The following GRM5 variants were observed in gnomAD, a reference collection of about 807,000 sequenced individuals.
The protein encoded by GRM5 is metabotropic glutamate receptor 5.
GRM5 carries 19 observed loss-of-function variants against 83.1 expected under a neutral mutation model. That is an observed-to-expected ratio of 0.23 (90% confidence interval 0.16 to 0.34). GRM5 has a LOEUF of 0.34. Among genes scored for constraint, GRM5 ranks in the 10% least tolerant of loss-of-function variants. The pLI is 1.00. For synonymous variants in GRM5, 675 were observed against 633.6 expected, an observed-to-expected ratio of 1.07 and a Z score of -0.98; for missense variants, 1,160 against 1,588.3, an observed-to-expected ratio of 0.73 and a Z score of 4.58.
chr11:88,770,254 G>C (rs1116378), intron 3 of GRM5, among the ~76,000 whole-genome samples: 109,730 of 151,808 alleles, frequency 0.72, 40,092 homozygotes, highest in African/African-American at 0.75. Flanking sequence ...ATGGTATACT[G>C]GATGCGACCC....
At chr11:88,589,155 T>C (rs747038481) in intron 7 of GRM5, among the ~76,000 whole-genome samples, 21 of 150,028 alleles carry the variant, frequency 1.4e-4, no homozygotes, top group Non-Finnish European at 2.9e-4. Context: ...ATAAATAGTA[T>C]AAAGAAAAGA....
intron 1 of GRM5, among the ~76,000 whole-genome samples, chr11:89,048,455 C>A (rs2135152740): frequency 6.6e-6 from 1 of 152,280 alleles, no homozygotes; most frequent in African/African-American, 2.4e-5. Context: ...TTGGTGATCT[C>A]TTGGTAATGA....
intron 3 of GRM5, among the ~76,000 whole-genome samples, chr11:88,754,017 C>T (rs769691137): frequency 2.0e-4 from 30 of 152,022 alleles, no homozygotes; most frequent in Non-Finnish European, 4.0e-4. Flanking sequence ...TCCCACAACA[C>T]GTGGGAATTA....
chr11:88,629,079 C>T (rs1486317564), intron 4 of GRM5, among the ~76,000 whole-genome samples: 1 of 152,146 alleles, frequency 6.6e-6, no homozygotes. Flanking sequence ...AATGGATTTG[C>T]TGAACATCTA....
At chr11:88,558,528 G>A (rs1402868356) in intron 8 of GRM5, among the ~76,000 whole-genome samples, 2 of 152,066 alleles carry the variant, frequency 1.3e-5, no homozygotes, top group Admixed American at 6.6e-5. Flanking sequence ...GTTCTAAGGG[G>A]AGAGAGTGGG....
intron 2 of GRM5, among the ~76,000 whole-genome samples, chr11:88,867,214 T>A (rs1263803790): frequency 6.6e-6 from 1 of 151,954 alleles, no homozygotes; most frequent in African/African-American, 2.4e-5. Context: ...CATATGAAAT[T>A]TAAAGTAGTT....
rs1483784810 is a variant in GRM5 at position 88,880,126 on chromosome 11, C to A, written c.662-29971G>T. ...TAGACAAGAATAGAAGCATCTTTTG[C>A]TAGGCATGAAATAGACAGCATGCAA... On this transcript the variant is annotated intron_variant, in intron 2 of 9. Coordinates refer to ENST00000305447, the MANE Select transcript of GRM5 (RefSeq NM_001143831.3). Among the ~76,000 whole-genome samples the A allele has an allele frequency of 2.0e-5, 3 of 151,936 alleles. 1 individual carries two copies. Among genetic ancestry groups the A allele is most frequent in the African/African-American group, 4.8e-5 (2 of 41,372 alleles).
chr11:88,939,753 C>A (rs1476467257), intron 2 of GRM5, among the ~76,000 whole-genome samples: 1 of 151,480 alleles, frequency 6.6e-6, no homozygotes, highest in Non-Finnish European at 1.5e-5. Flanking sequence ...AATGAATAAA[C>A]AAATGTTGAG....
intron 2 of GRM5, among the ~76,000 whole-genome samples, chr11:88,868,024 T>A (rs1944701856): frequency 6.6e-6 from 1 of 151,988 alleles, no homozygotes; most frequent in Admixed American, 6.6e-5. Flanking sequence ...GCCTTTGCCA[T>A]ATATAGACTG....
chr11:88,975,113 C>T (rs1190021615), intron 2 of GRM5, among the ~76,000 whole-genome samples: 2 of 152,154 alleles, frequency 1.3e-5, no homozygotes, highest in East Asian at 3.8e-4. Flanking sequence ...GAAGTTAGAA[C>T]AAGAGATATA....
At chr11:88,730,998 C>A (rs1316673691) in intron 3 of GRM5, among the ~76,000 whole-genome samples, 1 of 152,020 alleles carries the variant, frequency 6.6e-6, no homozygotes, top group Non-Finnish European at 1.5e-5. Context: ...ACACATGTAT[C>A]CCAGAACATA....
chr11:88,754,293 G>A (rs1942350468), intron 3 of GRM5, among the ~76,000 whole-genome samples: 1 of 152,086 alleles, frequency 6.6e-6, no homozygotes, highest in Non-Finnish European at 1.5e-5. Context: ...GGAATGCTGG[G>A]GAGGTTGGTG....
At chr11:88,796,408 T>C (rs1943274353) in intron 3 of GRM5, among the ~76,000 whole-genome samples, 1 of 152,204 alleles carries the variant, frequency 6.6e-6, no homozygotes, top group Non-Finnish European at 1.5e-5. Context: ...ATAAGTGAAT[T>C]AAATTTTTAT....
intron 3 of GRM5, among the ~76,000 whole-genome samples, chr11:88,821,637 T>C (rs1345424134): frequency 6.6e-6 from 1 of 152,170 alleles, no homozygotes; most frequent in African/African-American, 2.4e-5. Flanking sequence ...ACTTCCATAT[T>C]ACTCCTGGAG....
intron 2 of GRM5, among the ~76,000 whole-genome samples, chr11:89,043,807 G>A (rs1336551360): frequency 2.6e-5 from 4 of 152,050 alleles, no homozygotes; most frequent in Non-Finnish European, 5.9e-5. Context: ...TGCATTGCAC[G>A]CTCTCACATG....
chr11:88,805,311 C>T (rs1160013117), intron 3 of GRM5, among the ~76,000 whole-genome samples: 1 of 152,132 alleles, frequency 6.6e-6, no homozygotes, highest in Admixed American at 6.5e-5. Flanking sequence ...CCTGCCTCAG[C>T]CTCCTGTGTA....
intron 5 of GRM5, among the ~76,000 whole-genome samples, chr11:88,602,071 A>ATTTTTTTTTTTT (rs58865828): frequency 6.6e-6 from 1 of 151,260 alleles, no homozygotes; most frequent in Non-Finnish European, 1.5e-5. Flanking sequence ...GAGCTCTGAA[A>ATTTTTTTTTTTT]TTTTTTTTTC....
At chr11:88,881,100 G>A (rs1944944995) in intron 2 of GRM5, among the ~76,000 whole-genome samples, 1 of 151,746 alleles carries the variant, frequency 6.6e-6, no homozygotes, top group Non-Finnish European at 1.5e-5. Context: ...ATATAGTCAG[G>A]GGAAGGACAT....
intron 3 of GRM5, among the ~76,000 whole-genome samples, chr11:88,679,942 A>AG (rs1940435458): frequency 0.013 from 1 of 80 alleles, no homozygotes; most frequent in South Asian, 0.25. Flanking sequence ...AAAAACAAAT[A>AG]GACAAAAACG....
Sources: allele counts gnomAD v4.1 joint callset (sites outside exome capture counted in the v4.1 genomes callset), GRCh38; gene constraint gnomAD v4.1.1; transcripts MANE v1.5; gene names NCBI Gene and HGNC (gene_info 2026-07-23, HGNC 2026-07-21).